ATAD2B: variants seen among roughly 807,000 people sequenced by gnomAD.
The protein encoded by ATAD2B is ATPase family AAA domain-containing protein 2B.
A neutral mutation model predicts 167.6 loss-of-function variants in ATAD2B; 40 were observed. That is an observed-to-expected ratio of 0.24 (90% CI 0.19 to 0.31). The LOEUF is 0.31. ATAD2B is among the 10% of genes least tolerant of loss of function. The probability of loss-of-function intolerance (pLI) is 1.00; values close to 1 mark genes in which losing one functional copy is unlikely to be tolerated. For synonymous variants in ATAD2B, 579 were observed against 596.5 expected (o/e 0.97, Z 0.43); for missense variants, 1,242 against 1,757.2 (o/e 0.71, Z 5.24).
the ATAD2B span, among the ~76,000 whole-genome samples, chr2:23,741,881 A>C: frequency 6.6e-6 from 1 of 152,212 alleles, no homozygotes. Context: ...ACCTCATCAA[A>C]AAGTGGGCGA....
Position 23,757,849 on chromosome 2 carries a change from T to C in ATAD2B, c.3647A>G (p.Asp1216Gly). 1 of 1,585,020 alleles carries C rather than the reference T, an allele frequency of 6.3e-7. No homozygotes were observed. Among genetic ancestry groups the C allele is most frequent in the Non-Finnish European group, 8.5e-7 (1 of 1,170,488 alleles). The change falls in exon 25 of 28, where the codon GAC (aspartate) becomes GGC (glycine). Residue 1216 changes from aspartate to glycine, a missense_variant. Physicochemically the swap from Asp to Gly is moderately conservative, Grantham distance 94. Around this residue, in one of 9 missense-constraint regions of ATAD2B, gnomAD observed 282 missense variants for 346.8 expected, o/e 0.81. Coordinates refer to ENST00000238789, the MANE Select transcript of ATAD2B (RefSeq NM_017552.4). ...DESSCDIMDL[D>G]QGQRLNNGAG... Reference sequence around the variant, plus strand: ...TCCATTGTTAAGCCTCTGCCCCTGGTCCAAGTCCATGATGTCACAGGATGA... The same window carrying C: ...TCCATTGTTAAGCCTCTGCCCCTGGCCCAAGTCCATGATGTCACAGGATGA...
chr2:23,781,440 A>G (rs1680044089), intron 22 of ATAD2B, among the ~76,000 whole-genome samples: 1 of 152,112 alleles, frequency 6.6e-6, no homozygotes, highest in South Asian at 2.1e-4. Flanking sequence ...CGAGGCTGGC[A>G]GACCACTTGA....
chr2:23,911,360 G>C lies in ATAD2B; in HGVS notation c.216+15195C>G, dbSNP rs559260706. On this transcript the variant is annotated intron_variant, in intron 1 of 27. Transcript: ENST00000238789. ...GCTTGAGCCCAGGAGTTTGAAACCAGCTTGGCATCTGGGTGAAACCCCATC... is the reference window on the plus strand; with the variant it reads ...GCTTGAGCCCAGGAGTTTGAAACCACCTTGGCATCTGGGTGAAACCCCATC... 1.2e-3 allele frequency among the ~76,000 whole-genome samples: 179 copies of C among 152,172 alleles called. 3 individuals are homozygous for C. The highest frequency in any genetic ancestry group is 6.8e-3 in the Middle Eastern group (2 of 292).
chr2:23,792,962 CAAAAAAA>C (rs36015161), intron 19 of ATAD2B, among the ~76,000 whole-genome samples: 5 of 42,556 alleles, frequency 1.2e-4, no homozygotes, highest in Admixed American at 3.6e-4. Flanking sequence ...GACTCTGTCT[CAAAAAAA>C]AAAAAAAAAA....
rs747651291 is a variant in ATAD2B, at chr2:23,867,822, T to C, written c.1188+13A>G. On this transcript the variant is annotated intron_variant, in intron 10 of 27. Coordinates refer to ENST00000238789, the MANE Select transcript of ATAD2B (RefSeq NM_017552.4). ...AAAAAGAAAACTTCTAGAAAAACAT[T>C]TACAAAACTTACTGATTTATCAATG... 5 of 1,561,464 alleles carry C rather than the reference T, an allele frequency of 3.2e-6. No individual in the cohort carries two copies. In the South Asian group the frequency reaches 5.9e-5, roughly 18 times the overall value.
In ATAD2B at chr2:23,884,792, CATG is replaced by C. The variant is rs746335810; in HGVS notation, c.754_756del (p.His252del). ...TCTTCTTCACCCTCAGTAGAAACTT[CATG>C]ATGATTTTGTATCCCATAACTATTT... On this transcript the variant is annotated inframe_deletion, in exon 6 of 28. Coordinates refer to ENST00000238789, the MANE Select transcript of ATAD2B (RefSeq NM_017552.4). The C allele has an allele frequency of 1.3e-5, 20 of 1,596,174 alleles. No homozygotes were observed. Among genetic ancestry groups the C allele is most frequent in the East Asian group, 2.3e-5 (1 of 44,288 alleles).
At chr2:23,861,055 T>C (rs6712524) in intron 12 of ATAD2B, among the ~76,000 whole-genome samples, 18,612 of 151,866 alleles carry the variant, frequency 0.12, 1,229 homozygotes, top group Middle Eastern at 0.22. Context: ...TATGGCCCAG[T>C]GCAGTGGCTC....
At chr2:23,825,305 G>T (rs942209550) in intron 15 of ATAD2B, among the ~76,000 whole-genome samples, 6 of 151,742 alleles carry the variant, frequency 4.0e-5, no homozygotes, top group African/African-American at 1.5e-4. Flanking sequence ...ACTAAAAATG[G>T]TGATTACTAA....
At chr2:23,865,165 C>T (rs1378576774) in intron 10 of ATAD2B, among the ~76,000 whole-genome samples, 1 of 152,032 alleles carries the variant, frequency 6.6e-6, no homozygotes, top group African/African-American at 2.4e-5. Flanking sequence ...TAATCCCCAA[C>T]CTAAAACTTT....
the ATAD2B span, among the ~76,000 whole-genome samples, chr2:23,694,412 G>A: frequency 2.6e-5 from 4 of 152,070 alleles, no homozygotes; most frequent in African/African-American, 9.7e-5. Flanking sequence ...CCTCCTAAGT[G>A]GTTTCCTTGC....
At chr2:23,837,226 A>T (rs1389255555) in intron 13 of ATAD2B, among the ~76,000 whole-genome samples, 1 of 152,196 alleles carries the variant, frequency 6.6e-6, no homozygotes, top group Non-Finnish European at 1.5e-5. Context: ...AGGCTGCAAC[A>T]ACACCCAGGC....
chr2:23,827,653 C>T (rs1688458985), intron 15 of ATAD2B: 1 of 152,470 alleles, frequency 6.6e-6, no homozygotes, highest in African/African-American at 2.4e-5. Flanking sequence ...GATTTTATAC[C>T]AAATACCACC....
intron 19 of ATAD2B, among the ~76,000 whole-genome samples, chr2:23,792,043 C>G (rs1441880953): frequency 1.3e-5 from 2 of 151,462 alleles, no homozygotes; most frequent in Non-Finnish European, 2.9e-5. Flanking sequence ...TTGTTAATTT[C>G]TGTTTTTTTT....
At chr2:23,779,664 T>TA (rs1054470149) in intron 22 of ATAD2B, among the ~76,000 whole-genome samples, 2 of 152,028 alleles carry the variant, frequency 1.3e-5, no homozygotes, top group African/African-American at 4.8e-5. Context: ...AGGAAAAAAC[T>TA]AAAAAATCTA....
chr2:23,838,917 G>C (rs1263508363), intron 13 of ATAD2B, among the ~76,000 whole-genome samples: 1 of 152,054 alleles, frequency 6.6e-6, no homozygotes, highest in East Asian at 1.9e-4. Flanking sequence ...TAGAAGAAAA[G>C]ATAATTGAAA....
At chr2:23,853,001 CAA>C (rs1377389430) in intron 13 of ATAD2B, among the ~76,000 whole-genome samples, 1 of 151,520 alleles carries the variant, frequency 6.6e-6, no homozygotes, top group Non-Finnish European at 1.5e-5. Flanking sequence ...ATGATCAATT[CAA>C]AAGAGACAGA....
At chr2:23,735,285 C>T in the ATAD2B span, among the ~76,000 whole-genome samples, 155 of 151,968 alleles carry the variant, frequency 1.0e-3, no homozygotes, top group African/African-American at 3.7e-3. Flanking sequence ...AAAATGTTGG[C>T]CCTTTAAACT....
At chr2:23,902,260 T>C (rs1441671124) in intron 1 of ATAD2B, among the ~76,000 whole-genome samples, 5 of 152,222 alleles carry the variant, frequency 3.3e-5, no homozygotes, top group Non-Finnish European at 7.3e-5. Context: ...TTTACTTTTT[T>C]TGTCACGGGA....
intron 1 of ATAD2B, among the ~76,000 whole-genome samples, chr2:23,920,700 T>A (rs1703784542): frequency 6.6e-6 from 1 of 151,894 alleles, no homozygotes; most frequent in Admixed American, 6.6e-5. Context: ...CTACAAAACT[T>A]ACTGCTCAAA....
Sources: allele counts gnomAD v4.1 joint callset (sites outside exome capture counted in the v4.1 genomes callset), GRCh38; gene constraint gnomAD v4.1.1; regional missense constraint gnomAD v4.1.1; transcripts MANE v1.5; gene names NCBI Gene and HGNC (gene_info 2026-07-23, HGNC 2026-07-21).